The following DNAJC7 variants were observed in gnomAD, a reference collection of about 807,000 sequenced individuals.
The protein encoded by DNAJC7 is DnaJ heat shock protein family (Hsp40) member C7, also known as dnaJ homolog subfamily C member 7.
A neutral mutation model predicts 67.4 loss-of-function variants in DNAJC7; 18 were observed. That is an observed-to-expected ratio of 0.27 (90% CI 0.18 to 0.40). The LOEUF is 0.40. DNAJC7 is among the 10% of genes least tolerant of loss of function. The pLI is 1.00. For missense variants in DNAJC7, 419 were observed against 613.8 expected (o/e 0.68, Z 3.35); for synonymous variants, 220 against 207.8 (o/e 1.06, Z -0.50).
intron 8 of DNAJC7, 96 bp from the exon 9 acceptor site, chr17:41,988,006 C>G: frequency 1.0e-6 from 1 of 970,180 alleles, no homozygotes; most frequent in Non-Finnish European, 1.6e-6. Context: ...GAGGATCAGT[C>G]ATGCTGGCCC....
At chr17:42,012,919 C>T (rs1433830431) in intron 1 of DNAJC7, 1 of 152,254 alleles carries the variant, frequency 6.6e-6, no homozygotes, top group African/African-American at 2.4e-5. Context: ...ACCTCAGCGT[C>T]CCAAGTAGCA....
rs782082498 is a variant in DNAJC7 at position 41,990,346 on chromosome 17, G to A, written c.517C>T (p.Pro173Ser). 13 of 1,611,332 alleles carry A rather than the reference G, an allele frequency of 8.1e-6. No homozygotes were observed. The highest frequency in any genetic ancestry group is 1.1e-5 in the South Asian group (1 of 90,326). Residue 173 changes from proline to serine, a missense_variant, in exon 6 of 14, where the codon CCT becomes TCT. Physicochemically the swap from Pro to Ser is moderately conservative, Grantham distance 74. Coordinates refer to ENST00000457167, the MANE Select transcript of DNAJC7 (RefSeq NM_003315.4). ...FCMDRALEFA[P>S]ACHRFKILKA... The stretch of plus-strand genomic sequence containing the variant: ...AGGATTTTGAAGCGATGGCAGGCAG[G>A]GGCAAATTCTAGGGCACGGTCCATG...
chr17:41,985,360 A>C (rs1168843322), intron 9 of DNAJC7: 4 of 152,036 alleles, frequency 2.6e-5, no homozygotes, highest in Non-Finnish European at 5.9e-5. Flanking sequence ...AATTTGAAGT[A>C]AGAGAAATGA....
chr17:41,996,991 G>A (rs945680443), intron 3 of DNAJC7, 124 bp downstream of exon 3: 58 of 1,461,462 alleles, frequency 4.0e-5, no homozygotes, highest in Non-Finnish European at 5.2e-5. Context: ...GCACAGTAAA[G>A]TCCCCCACAA....
At chr17:42,009,877 G>A (rs1745421314) in intron 1 of DNAJC7, among the ~76,000 whole-genome samples, 1 of 152,236 alleles carries the variant, frequency 6.6e-6, no homozygotes, top group Admixed American at 6.5e-5. Context: ...TGGCGCAGTG[G>A]CTCACGCCTG....
chr17:41,977,428 A>G (rs2051118194), intron 12 of DNAJC7, 105 bp from the exon 13 acceptor site: 1 of 1,039,602 alleles, frequency 9.6e-7, no homozygotes. Context: ...GCTTTCCTGG[A>G]GAGTCTCACT....
chr17:41,987,218 T>C (rs1191637821), intron 9 of DNAJC7, among the ~76,000 whole-genome samples: 1 of 152,120 alleles, frequency 6.6e-6, no homozygotes, highest in Non-Finnish European at 1.5e-5. Flanking sequence ...TCCTGGCTCA[T>C]AATCACCCTG....
In DNAJC7 at chr17:41,995,403, G is replaced by A. The variant is rs1355407273; in HGVS notation, c.406-459C>T. ...TTGCCAGGGATTGAGCATATGTTTT[G>A]AGATTCTCACTGAAATGCATCTAGG... On this transcript the variant is annotated intron_variant, in intron 4 of 13. Transcript: ENST00000457167. 2.0e-5 allele frequency among the ~76,000 whole-genome samples: 3 copies of A among 152,332 alleles called. No homozygotes were observed. In the East Asian group the frequency reaches 5.8e-4, roughly 29 times the overall value.
chr17:41,987,041 G>A lies in DNAJC7; in HGVS notation c.1010+778C>T, dbSNP rs187702640. 2.7e-3 allele frequency among the ~76,000 whole-genome samples: 407 copies of A among 152,158 alleles called. 2 individuals carry two copies. The highest frequency in any genetic ancestry group is 8.4e-3 in the African/African-American group (349 of 41,478). On this transcript the variant is annotated intron_variant, in intron 9 of 13. Coordinates refer to ENST00000457167, the MANE Select transcript of DNAJC7 (RefSeq NM_003315.4). ...CTTTAAAGACGGGAAGTTTTTCTCCGCCTAGAGAATAATCTGAAATCAGAA... is the reference window on the plus strand; with the variant it reads ...CTTTAAAGACGGGAAGTTTTTCTCCACCTAGAGAATAATCTGAAATCAGAA...
intron 10 of DNAJC7, 60 bp downstream of exon 10, chr17:41,983,503 C>G: frequency 7.0e-7 from 1 of 1,429,120 alleles, no homozygotes; most frequent in Non-Finnish European, 9.6e-7. Flanking sequence ...ACCTTGTGTA[C>G]AGATTTATGG....
At chr17:41,982,552 C>A in intron 10 of DNAJC7, 151 bp from the exon 11 acceptor site, 1 of 1,003,996 alleles carries the variant, frequency 1.0e-6, no homozygotes, top group Non-Finnish European at 1.4e-6. Context: ...AAAAAATCTA[C>A]TCGGCCAGGC....
At chr17:41,995,866 G>C (rs1168326637) in intron 4 of DNAJC7, among the ~76,000 whole-genome samples, 1 of 152,178 alleles carries the variant, frequency 6.6e-6, no homozygotes, top group African/African-American at 2.4e-5. Context: ...ATAGTGCAGT[G>C]GTGCGATCAC....
At chr17:42,016,924 A>G in intron 1 of DNAJC7, 2 of 1,117,568 alleles carry the variant, frequency 1.8e-6, no homozygotes, top group Admixed American at 4.8e-5. Context: ...GAGGAGAGCA[A>G]AGGTTTTGGA....
chr17:42,006,974 C>T (rs999918025), intron 1 of DNAJC7, among the ~76,000 whole-genome samples: 62 of 151,150 alleles, frequency 4.1e-4, no homozygotes, highest in African/African-American at 1.2e-3. Flanking sequence ...AGGTGGCAGG[C>T]GCCTGTAGTC....
At chr17:42,002,913 C>A (rs1480562556) in intron 1 of DNAJC7, among the ~76,000 whole-genome samples, 1 of 152,170 alleles carries the variant, frequency 6.6e-6, no homozygotes, top group East Asian at 1.9e-4. Context: ...ACATTCCTAA[C>A]AATTAGTCAT....
Position 41,976,677 on chromosome 17 carries a change from TTCAAGA to T in DNAJC7, c.*50_*55del. ...AGGGAGGAGGTGAACTGTTTCCACA[TTCAAGA>T]TTAAACTGAGTGAATCTGCATTTTC... On this transcript the variant is annotated 3_prime_UTR_variant, in exon 14 of 14. Coordinates refer to ENST00000457167, the MANE Select transcript of DNAJC7 (RefSeq NM_003315.4). 6.3e-7 allele frequency: 1 copy of T among 1,596,490 alleles called. No homozygotes were observed. The highest frequency in any genetic ancestry group is 1.4e-5 in the African/African-American group (1 of 73,506).
chr17:42,012,355 C>T (rs759426793), intron 1 of DNAJC7, among the ~76,000 whole-genome samples: 57 of 152,140 alleles, frequency 3.7e-4, no homozygotes, highest in African/African-American at 3.6e-4. Flanking sequence ...TGGTGGCACA[C>T]GCCTATAGTC....
chr17:41,998,455 G>C (rs2051719276), intron 2 of DNAJC7, among the ~76,000 whole-genome samples: 1 of 152,192 alleles, frequency 6.6e-6, no homozygotes, highest in Non-Finnish European at 1.5e-5. Flanking sequence ...CTGGGTGACA[G>C]TGACACTGTC....
At position 41,982,369 on chromosome 17, in the gene DNAJC7, C is replaced by G. The variant is rs781947241; in HGVS notation, c.1117G>C (p.Glu373Gln). The G allele has an allele frequency of 1.9e-6, 3 of 1,613,980 alleles. No homozygotes were observed. The highest frequency in any genetic ancestry group is 1.7e-5 in the Admixed American group (1 of 60,018). ...TCTTTCCTCTTACTCTTCTTCAGTT[C>G]CAGCTGCGCATTTTTTAGGAGCTGT... is the stretch of plus-strand genomic sequence containing the variant. ...HKQLLKNAQL[E>Q]LKKSKRKDYY... Residue 373 changes from glutamate (E) to glutamine (Q), a missense_variant, in exon 11 of 14, where the codon GAA (glutamate) becomes CAA (glutamine). Around this residue, in one of 4 missense-constraint regions of DNAJC7, gnomAD observed 161 missense variants for 252.2 expected, o/e 0.64. Transcript: ENST00000457167.
Sources: allele counts gnomAD v4.1 joint callset (sites outside exome capture counted in the v4.1 genomes callset), GRCh38; gene constraint gnomAD v4.1.1; regional missense constraint gnomAD v4.1.1; transcripts MANE v1.5; gene names NCBI Gene and HGNC (gene_info 2026-07-23, HGNC 2026-07-21).